The following FBXW11 variants were observed in gnomAD, a reference collection of about 807,000 sequenced individuals.
FBXW11 encodes the protein F-box/WD repeat-containing protein 11.
A neutral mutation model predicts 77.6 loss-of-function variants in FBXW11; 19 were observed. That is an observed-to-expected ratio of 0.24 (90% CI 0.17 to 0.36). The LOEUF is 0.36. Among genes scored for constraint, FBXW11 ranks in the 10% least tolerant of loss-of-function variants. The pLI, the probability that FBXW11 is intolerant of heterozygous loss-of-function variation, is 1.00. For missense variants in FBXW11, 334 were observed against 704.2 expected, an observed-to-expected ratio of 0.47 and a Z score of 5.95; for synonymous variants, 235 against 249.4, an observed-to-expected ratio of 0.94 and a Z score of 0.54.
intron 2 of FBXW11, among the ~76,000 whole-genome samples, chr5:171,923,893 C>T (rs192334361): frequency 1.7e-4 from 23 of 137,328 alleles, no homozygotes; most frequent in Admixed American, 4.5e-4. Context: ...GGGGAGGGTC[C>T]GCGGTGAAAC....
chr5:171,878,184 A>G, intron 7 of FBXW11, 55 bp from the exon 8 acceptor site: 1 of 1,240,156 alleles, frequency 8.1e-7, no homozygotes, highest in African/African-American at 1.5e-5. Flanking sequence ...ATTTTGATGA[A>G]TGTTACTGTC....
chr5:171,928,240 G>GA (rs1295246489), intron 2 of FBXW11, among the ~76,000 whole-genome samples: 9 of 152,056 alleles, frequency 5.9e-5, no homozygotes, highest in Non-Finnish European at 8.8e-5. Context: ...AAATATTGCA[G>GA]AAAAAATCAA....
intron 4 of FBXW11, among the ~76,000 whole-genome samples, chr5:171,909,046 GC>G (rs1760713644): frequency 6.6e-6 from 1 of 152,118 alleles, no homozygotes; most frequent in Admixed American, 6.5e-5. Context: ...AAACATTCTG[GC>G]CAGCATTCTC....
intron 1 of FBXW11, among the ~76,000 whole-genome samples, chr5:171,958,844 C>G (rs1332977638): frequency 6.6e-6 from 1 of 152,058 alleles, no homozygotes; most frequent in Non-Finnish European, 1.5e-5. Flanking sequence ...AGTCTTGGAC[C>G]CAAGCTCATA....
At chr5:171,925,089 C>T (rs1036488486) in intron 2 of FBXW11, among the ~76,000 whole-genome samples, 2 of 152,122 alleles carry the variant, frequency 1.3e-5, no homozygotes, top group African/African-American at 2.4e-5. Context: ...CAGGGCGGAG[C>T]GCGGCCCTGG....
chr5:171,910,812 CAAAA>C lies in FBXW11; in HGVS notation c.211-19_211-16del. ...CCATTACTTATCTATTTTAGAAAAA[CAAAA>C]AAAAAATTAGTTTAACAAGGAAAGA... On this transcript the variant is annotated splice_polypyrimidine_tract_variant and intron_variant, in intron 3 of 13. Coordinates refer to ENST00000517395, the MANE Select transcript of FBXW11 (RefSeq NM_001378974.1). 2.2e-6 allele frequency: 3 copies of C among 1,380,578 alleles called. No individual in the cohort carries two copies. Among genetic ancestry groups the C allele is most frequent in the African/African-American group, 1.5e-5 (1 of 67,078 alleles). The allele number at this position is 1,380,578 out of a possible 1,614,324, so 85.5% of individuals were successfully genotyped here. A position where few individuals can be genotyped will look rare whatever the true frequency, so the allele number is the denominator to read the frequency against.
chr5:171,882,040 C>G (rs1369115164), intron 7 of FBXW11, among the ~76,000 whole-genome samples: 1 of 152,082 alleles, frequency 6.6e-6, no homozygotes, highest in Non-Finnish European at 1.5e-5. Context: ...TTACCTATTT[C>G]TATGGATTTC....
intron 4 of FBXW11, chr5:171,908,830 T>C (rs913749799): frequency 1.3e-5 from 2 of 152,178 alleles, no homozygotes; most frequent in African/African-American, 2.4e-5. Flanking sequence ...ATGAGTCTTG[T>C]TTGCTGTGGA....
chr5:171,999,615 T>C (rs1766290740), intron 1 of FBXW11, among the ~76,000 whole-genome samples: 2 of 152,090 alleles, frequency 1.3e-5, no homozygotes, highest in South Asian at 4.1e-4. Context: ...AAATATATTT[T>C]ATTGTTAGTT....
At chr5:171,935,755 T>C (rs1303370488) in intron 2 of FBXW11, among the ~76,000 whole-genome samples, 1 of 152,004 alleles carries the variant, frequency 6.6e-6, no homozygotes, top group Non-Finnish European at 1.5e-5. Flanking sequence ...AATCCTGAGA[T>C]GATGCAAAAA....
chr5:171,874,918 C>A (rs1454636626), intron 9 of FBXW11, among the ~76,000 whole-genome samples: 1 of 151,822 alleles, frequency 6.6e-6, no homozygotes, highest in Admixed American at 6.6e-5. Context: ...TGCACTCCAG[C>A]CTGGGTGACA....
chr5:171,931,860 C>CCT (rs149065535), intron 2 of FBXW11, among the ~76,000 whole-genome samples: 15 of 6,270 alleles, frequency 2.4e-3, no homozygotes, highest in Admixed American at 5.2e-3. Context: ...TCCCTCCCTC[C>CCT]CTCTCTCTCT....
At chr5:171,973,143 A>T (rs1764626840) in intron 1 of FBXW11, among the ~76,000 whole-genome samples, 1 of 152,184 alleles carries the variant, frequency 6.6e-6, no homozygotes, top group Non-Finnish European at 1.5e-5. Context: ...TTGAGGCAAA[A>T]ACACACTGAA....
At chr5:172,006,280 A>G (rs956535217) in intron 1 of FBXW11, among the ~76,000 whole-genome samples, 178 bp downstream of exon 1, 1 of 151,992 alleles carries the variant, frequency 6.6e-6, no homozygotes, top group Non-Finnish European at 1.5e-5. Context: ...CCGGCCGGAG[A>G]TGTCGAGGGA....
chr5:172,006,343 T>C (rs1766771903), intron 1 of FBXW11, 115 bp downstream of exon 1: 2 of 917,212 alleles, frequency 2.2e-6, no homozygotes, highest in South Asian at 2.2e-5. Flanking sequence ...GGCCCGGGTC[T>C]GGGTCGAGGC....
intron 2 of FBXW11, among the ~76,000 whole-genome samples, chr5:171,938,732 C>CA (rs1017937626): frequency 2.6e-5 from 4 of 151,400 alleles, no homozygotes; most frequent in Non-Finnish European, 5.9e-5. Flanking sequence ...TTTGTAATTT[C>CA]AAAAAAAATG....
chr5:171,944,573 T>TG (rs1281036974), intron 2 of FBXW11, among the ~76,000 whole-genome samples: 3 of 12,354 alleles, frequency 2.4e-4, no homozygotes, highest in African/African-American at 4.4e-4. Context: ...AGACTCCATC[T>TG]CAAAAAAAAA....
At chr5:171,888,324 A>G (rs967959421) in intron 7 of FBXW11, among the ~76,000 whole-genome samples, 1 of 152,232 alleles carries the variant, frequency 6.6e-6, no homozygotes, top group Non-Finnish European at 1.5e-5. Context: ...CTTACCCTTG[A>G]GCTGTATATG....
At chr5:171,957,181 A>C (rs907356793) in intron 2 of FBXW11, among the ~76,000 whole-genome samples, 9 of 152,150 alleles carry the variant, frequency 5.9e-5, no homozygotes, top group African/African-American at 2.2e-4. Context: ...TGAAGAGGGG[A>C]GAGAAAGCAA....
Sources: gnomAD v4.1 joint callset for allele counts (sites outside exome capture counted in the v4.1 genomes callset) on GRCh38, gnomAD v4.1.1 for gene constraint, MANE v1.5 for transcripts, NCBI Gene and HGNC (gene_info 2026-07-23, HGNC 2026-07-21) for gene names.